Variants in USP1 observed in about 807,000 individuals in gnomAD.
The protein encoded by USP1 is ubiquitin carboxyl-terminal hydrolase 1.
Under a neutral mutation model 72.2 loss-of-function variants are expected in USP1, and 18 were observed. That is an observed-to-expected ratio of 0.25 (90% CI 0.17 to 0.37). The LOEUF is 0.37. Among genes scored for constraint, USP1 ranks in the 10% least tolerant of loss-of-function variants. USP1 has a pLI of 1.00. For missense variants in USP1, 759 were observed against 884.9 expected (o/e 0.86, Z 1.81); for synonymous variants, 354 against 303.7 (o/e 1.17, Z -1.72).
chr1:62,442,735 C>G (rs1196048564), intron 4 of USP1, among the ~76,000 whole-genome samples: 1 of 152,198 alleles, frequency 6.6e-6, no homozygotes, highest in Non-Finnish European at 1.5e-5. Context: ...CGTGGTGGCT[C>G]ATGCCTGTAA....
chr1:62,440,695 T>G (rs1300531059), intron 2 of USP1, among the ~76,000 whole-genome samples: 1 of 152,144 alleles, frequency 6.6e-6, no homozygotes, highest in Non-Finnish European at 1.5e-5. Context: ...GTTGAGGAGA[T>G]TTGTGAGAGT....
intron 6 of USP1, 104 bp downstream of exon 6, chr1:62,445,533 G>A (rs1391871051): frequency 8.9e-7 from 1 of 1,117,576 alleles, no homozygotes; most frequent in African/African-American, 1.6e-5. Context: ...GGCTAAAATT[G>A]TTTCAAGAGA....
Position 62,445,055 on chromosome 1 carries a change from C to T in USP1, c.875C>T (p.Ser292Leu). The T allele has an allele frequency of 1.2e-6, 2 of 1,612,592 alleles. No homozygotes were observed. Among genetic ancestry groups the T allele is most frequent in the South Asian group, 2.2e-5 (2 of 90,726 alleles). Residue 292 changes from serine to leucine, a missense_variant, in exon 6 of 9, where the codon TCA (serine) becomes TTA (leucine). By Grantham distance (145) the Ser-to-Leu change is moderately radical. This residue lies in a region of USP1 where 245 missense variants were observed against 240.7 expected (regional missense o/e 1.02). Coordinates refer to ENST00000339950, the MANE Select transcript of USP1 (RefSeq NM_003368.5). ...GTTAAATTATCCAAGGAACACCAGT[C>T]ATTGGAAGAGAACCAGAGACAAACT... ...KKVKLSKEHQ[S>L]LEENQRQTRS...
chr1:62,446,604 C>T (rs1645176008), intron 6 of USP1, among the ~76,000 whole-genome samples: 1 of 151,994 alleles, frequency 6.6e-6, no homozygotes, highest in African/African-American at 2.4e-5. Flanking sequence ...ATAATTGAAA[C>T]GTTGGTAGGT....
intron 6 of USP1, among the ~76,000 whole-genome samples, chr1:62,446,622 A>ACG (rs1357620468): frequency 1.2e-3 from 180 of 152,298 alleles, no homozygotes; most frequent in African/African-American, 4.0e-3. Context: ...GGTGGTGCAT[A>ACG]ACTGTAAGTT....
At chr1:62,443,690 A>G (rs1249450012) in intron 5 of USP1, among the ~76,000 whole-genome samples, 1 of 152,192 alleles carries the variant, frequency 6.6e-6, no homozygotes, top group Non-Finnish European at 1.5e-5. Flanking sequence ...CTGAATTTCT[A>G]AATGCGTGGT....
Position 62,445,373 on chromosome 1 carries a change from C to T in USP1, c.1193C>T (p.Ser398Phe). ...DNTTNGCGLE[S>F]PGNTVTPVNV... is the part of the protein sequence containing the mutation. ...ACAACTAATGGTTGTGGACTTGAAT[C>T]TCCAGGAAATACTGTTACACCTGTA... is the stretch of plus-strand genomic sequence containing the variant. The change falls in exon 6 of 9, where the codon TCT becomes TTT. Residue 398 changes from serine to phenylalanine, a missense_variant. Ser to Phe is a radical substitution (Grantham distance 155). Coordinates refer to ENST00000339950, the MANE Select transcript of USP1 (RefSeq NM_003368.5). 4.4e-6 allele frequency: 7 copies of T among 1,604,234 alleles called. No homozygotes were observed. The highest frequency in any genetic ancestry group is 5.9e-6 in the Non-Finnish European group (7 of 1,176,918).
At position 62,444,857 on chromosome 1, in the gene USP1, T is replaced by A. The variant is rs1308104712; in HGVS notation, c.677T>A (p.Val226Glu). Reference protein sequence around the residue: ...QLLKKEEVKNVAELPTKVEEI... With the variant: ...QLLKKEEVKNEAELPTKVEEI... The stretch of plus-strand genomic sequence containing the variant: ...CTAAAAAAAGAAGAAGTAAAAAATG[T>A]GGCAGAATTACCTACTAAGGTAGAA... The change falls in exon 6 of 9, where the codon GTG (valine) becomes GAG (glutamate). Residue 226 changes from valine (V) to glutamate (E), a missense_variant. Transcript: ENST00000339950. 6.2e-7 allele frequency: 1 copy of A among 1,613,342 alleles called. No homozygotes were observed. Among genetic ancestry groups the A allele is most frequent in the African/African-American group, 1.3e-5 (1 of 74,998 alleles).
chr1:62,436,750 C>G, upstream of USP1: 1 of 192,978 alleles, frequency 5.2e-6, no homozygotes, highest in Non-Finnish European at 1.1e-5. Flanking sequence ...GTGTGAGGCT[C>G]GAGCCCGCCA....
rs2149209169 is a variant in USP1 at position 62,451,487 on chromosome 1, C to T, written c.*506C>T. 6.5e-6 allele frequency: 1 copy of T among 152,880 alleles called. No individual in the cohort carries two copies. The highest frequency in any genetic ancestry group is 2.1e-4 in the South Asian group (1 of 4,836). The allele number at this position is 152,880 out of a possible 1,614,324, so 9.5% of individuals were successfully genotyped here. On this transcript the variant is annotated 3_prime_UTR_variant, in exon 9 of 9. Coordinates refer to ENST00000339950, the MANE Select transcript of USP1 (RefSeq NM_003368.5). ...GTGTGTATTCACAATGGTGTATGTA[C>T]ATTTTGTGCCTTGATTCACTTAGAA...
chr1:62,443,010 T>A, intron 4 of USP1, 149 bp from the exon 5 acceptor site: 2 of 852,890 alleles, frequency 2.3e-6, no homozygotes, highest in Middle Eastern at 3.8e-4. Flanking sequence ...AATAAAAAAA[T>A]AAAAAATAAG....
At position 62,445,079 on chromosome 1, in the gene USP1, C is replaced by T; in HGVS notation, c.899C>T (p.Thr300Ile). 1 of 1,611,582 alleles carries T rather than the reference C, an allele frequency of 6.2e-7. No homozygotes were observed. Among genetic ancestry groups the T allele is most frequent in the Non-Finnish European group, 8.5e-7 (1 of 1,179,520 alleles). The stretch of plus-strand genomic sequence containing the variant: ...TCATTGGAAGAGAACCAGAGACAAA[C>T]TAGATCAAAAAGAAAAGCTACAAGT... Reference protein sequence around the residue: ...HQSLEENQRQTRSKRKATSDT... With the variant: ...HQSLEENQRQIRSKRKATSDT... Residue 300 changes from threonine to isoleucine, a missense_variant, in exon 6 of 9, where the codon ACT becomes ATT. By Grantham distance (89) the Thr-to-Ile change is moderately conservative. Transcript: ENST00000339950.
At chr1:62,446,790 A>G (rs1335986938) in intron 6 of USP1, among the ~76,000 whole-genome samples, 1 of 151,992 alleles carries the variant, frequency 6.6e-6, no homozygotes, top group Non-Finnish European at 1.5e-5. Context: ...GAGTTACAAT[A>G]CAACTGACTT....
intron 3 of USP1, 76 bp from the exon 4 acceptor site, chr1:62,442,119 A>G: frequency 9.8e-7 from 1 of 1,023,752 alleles, no homozygotes; most frequent in South Asian, 1.5e-5. Flanking sequence ...GCTCTATAGA[A>G]AGCATGATGT....
At chr1:62,437,486 C>T (rs1645098483) in intron 1 of USP1, 86 bp downstream of exon 1, 1 of 279,118 alleles carries the variant, frequency 3.6e-6, no homozygotes, top group Non-Finnish European at 6.7e-6. Flanking sequence ...GGGGAGACCC[C>T]GGGACCGTGT....
intron 2 of USP1, 93 bp downstream of exon 2, chr1:62,440,130 C>A: frequency 8.4e-7 from 1 of 1,188,160 alleles, no homozygotes; most frequent in Non-Finnish European, 1.1e-6. Flanking sequence ...TAGTCTGTAG[C>A]GGCACAAAAA....
rs1431295502 is a variant in USP1 at position 62,450,107 on chromosome 1, G to GT, written c.1623-135dup. 4.7e-5 allele frequency: 48 copies of GT among 1,013,424 alleles called. No individual in the cohort carries two copies. In the East Asian group the frequency reaches 1.1e-3, roughly 24 times the overall value. The allele number at this position is 1,013,424 out of a possible 1,614,324, so 62.8% of individuals were successfully genotyped here. On this transcript the variant is annotated intron_variant, in intron 8 of 8. Coordinates refer to ENST00000339950, the MANE Select transcript of USP1 (RefSeq NM_003368.5). The stretch of plus-strand genomic sequence containing the variant: ...AAATATTATTCAAAGTTGGGGTCTT[G>GT]TTTTGATTCTGCTTTTCTGATATAT...
rs141004318 is a variant in USP1 at position 62,448,517 on chromosome 1, A to G, written c.1473A>G (p.Gln491=). Residue 491 remains glutamine, a synonymous_variant, in exon 8 of 9, where the codon CAA becomes CAG. Coordinates refer to ENST00000339950, the MANE Select transcript of USP1 (RefSeq NM_003368.5). ...EMKTLRWAIS[Q]FASVERIVGE... ...AGACCCTGAGATGGGCAATTTCACAATTTGCTTCAGTAGAAAGGATTGTAG... is the reference window on the plus strand; with the variant it reads ...AGACCCTGAGATGGGCAATTTCACAGTTTGCTTCAGTAGAAAGGATTGTAG... 15 of 1,613,840 alleles carry G rather than the reference A, an allele frequency of 9.3e-6. No homozygotes were observed. The highest frequency in any genetic ancestry group is 1.3e-5 in the African/African-American group (1 of 74,906).
chr1:62,443,257 A>G lies in USP1; in HGVS notation c.495A>G (p.Leu165=). 6.2e-7 allele frequency: 1 copy of G among 1,614,070 alleles called. No individual in the cohort carries two copies. The highest frequency in any genetic ancestry group is 1.3e-5 in the African/African-American group (1 of 75,038). Residue 165 remains leucine (L), a synonymous_variant, in exon 5 of 9, where the codon TTA becomes TTG. Coordinates refer to ENST00000339950, the MANE Select transcript of USP1 (RefSeq NM_003368.5). ...AACAGCTCCAGGCTAGTTTTCTCTT[A>G]AATCCAGAGAAATATACTGATGAAC... The part of the protein sequence containing the change: ...SVEQLQASFL[L]NPEKYTDELA...
Sources: allele counts gnomAD v4.1 joint callset (sites outside exome capture counted in the v4.1 genomes callset), GRCh38; gene constraint gnomAD v4.1.1; regional missense constraint gnomAD v4.1.1; transcripts MANE v1.5; gene names NCBI Gene and HGNC (gene_info 2026-07-23, HGNC 2026-07-21).